EHMT1: variants seen among roughly 807,000 people sequenced by gnomAD.
EHMT1 encodes the protein euchromatic histone lysine methyltransferase 1.
Under a neutral mutation model 147.2 loss-of-function variants are expected in EHMT1, and 15 were observed. The ratio of observed to expected loss-of-function variants is 0.10; its 90% CI spans 0.07 to 0.16. The LOEUF is 0.16. Ranked by LOEUF, EHMT1 falls within the 10% of genes least tolerant of loss-of-function variation. The pLI is 1.00. For synonymous variants in EHMT1, 795 were observed against 709.6 expected (o/e 1.12, Z -1.91); for missense variants, 1,587 against 1,772.4 (o/e 0.90, Z 1.88).
At chr9:137,713,129 G>T (rs1015908865) in intron 2 of EHMT1, among the ~76,000 whole-genome samples, 3 of 151,940 alleles carry the variant, frequency 2.0e-5, no homozygotes, top group Non-Finnish European at 4.4e-5. Flanking sequence ...CTTTAGACAG[G>T]GTCTCCCTCT....
In EHMT1 at chr9:137,813,143, G is replaced by C; in HGVS notation, c.3005G>C (p.Arg1002Thr). Residue 1002 changes from arginine to threonine, a missense_variant, in exon 20 of 27, where the codon AGG becomes ACG. Arg to Thr is a moderately conservative substitution (Grantham distance 71). Around this residue, in one of 7 missense-constraint regions of EHMT1, gnomAD observed 78 missense variants for 68.9 expected, o/e 1.13. Coordinates refer to ENST00000460843, the MANE Select transcript of EHMT1 (RefSeq NM_024757.5). The surrounding 1 kb of genome is among the most constrained non-coding windows in gnomAD (Gnocchi z 4.9). The part of the protein sequence containing the change: ...SKALQDSAPD[R>T]PSPVERIVSR... Reference sequence around the variant, plus strand: ...GCTCTGCAGGACTCGGCCCCCGACAGGCCCAGCCCCGTGGAGAGGATAGTG... The same window carrying C: ...GCTCTGCAGGACTCGGCCCCCGACACGCCCAGCCCCGTGGAGAGGATAGTG... 1 of 1,611,720 alleles carries C rather than the reference G, an allele frequency of 6.2e-7. No homozygotes were observed. The highest frequency in any genetic ancestry group is 2.2e-5 in the East Asian group (1 of 44,874).
At chr9:137,685,285 A>T (rs1942331080) in intron 1 of EHMT1, 1 of 152,218 alleles carries the variant, frequency 6.6e-6, no homozygotes, top group Non-Finnish European at 1.5e-5. Flanking sequence ...AGCTCCTGGT[A>T]ACCCCTGATA....
intron 10 of EHMT1, chr9:137,764,294 A>G (rs1950067242): frequency 6.6e-6 from 1 of 152,310 alleles, no homozygotes; most frequent in Non-Finnish European, 1.5e-5. Context: ...AGCGCCTCTC[A>G]TCTGTGGCAC....
intron 1 of EHMT1, among the ~76,000 whole-genome samples, chr9:137,693,288 T>G (rs1000674386): frequency 1.3e-5 from 2 of 152,130 alleles, no homozygotes; most frequent in African/African-American, 4.8e-5. Context: ...CTAAACACTT[T>G]AATTTTATAT....
At chr9:137,785,621 T>C (rs7390131) in intron 15 of EHMT1, 75,810 of 152,186 alleles carry the variant, frequency 0.5, 22,213 homozygotes, top group East Asian at 0.87. Context: ...GAATTTAGCT[T>C]GTCACTCCTT....
chr9:137,669,543 C>T (rs908129782), intron 1 of EHMT1, among the ~76,000 whole-genome samples: 2 of 135,440 alleles, frequency 1.5e-5, no homozygotes, highest in African/African-American at 2.8e-5. Flanking sequence ...CCTCCCAAGA[C>T]GCCCCGCACA....
chr9:137,642,099 C>T (rs974981315), intron 1 of EHMT1, among the ~76,000 whole-genome samples: 4 of 152,142 alleles, frequency 2.6e-5, no homozygotes, highest in Non-Finnish European at 4.4e-5. Flanking sequence ...CTCGGCCTCC[C>T]AAAGTGCTGG....
At chr9:137,661,461 T>G (rs1179165924) in intron 1 of EHMT1, among the ~76,000 whole-genome samples, 3 of 152,100 alleles carry the variant, frequency 2.0e-5, no homozygotes, top group Non-Finnish European at 4.4e-5. Context: ...AGTATTGAAT[T>G]TTACCCCAGG....
At chr9:137,799,054 T>C (rs1377736538) in intron 17 of EHMT1, 140 bp downstream of exon 17, 2 of 464,024 alleles carry the variant, frequency 4.3e-6, no homozygotes, top group Non-Finnish European at 3.7e-6. Flanking sequence ...TCCAGCGTCC[T>C]CTTCCACACT....
At chr9:137,655,334 A>C (rs1045994230) in intron 1 of EHMT1, among the ~76,000 whole-genome samples, 4 of 152,040 alleles carry the variant, frequency 2.6e-5, no homozygotes, top group East Asian at 3.9e-4. Flanking sequence ...ATTTTCAGGC[A>C]CTACACTGGC....
intron 18 of EHMT1, among the ~76,000 whole-genome samples, chr9:137,805,259 T>G (rs56059998): frequency 6.6e-6 from 1 of 152,058 alleles, no homozygotes; most frequent in South Asian, 2.1e-4. Context: ...GTTGTCTACA[T>G]GTAAGGGTCA....
At position 137,623,909 on chromosome 9, in the gene EHMT1, C is replaced by T. The variant is rs560020887; in HGVS notation, c.21+4860C>T. ...ATAGTTCTCTGCAGCCTTGACCTCC[C>T]GGGCTGAAGTAATCTTCCTGCCTCA... On this transcript the variant is annotated intron_variant, in intron 1 of 26. Coordinates refer to ENST00000460843, the MANE Select transcript of EHMT1 (RefSeq NM_024757.5). Among the ~76,000 whole-genome samples the T allele has an allele frequency of 1.1e-4, 17 of 152,058 alleles. No homozygotes were observed. The South Asian group carries it at 1.2e-3, about 11-fold the overall frequency.
At chr9:137,652,394 T>G (rs1387357905) in intron 1 of EHMT1, among the ~76,000 whole-genome samples, 2 of 151,802 alleles carry the variant, frequency 1.3e-5, no homozygotes, top group African/African-American at 2.4e-5. Flanking sequence ...TGTCTTAGTT[T>G]TATTTTTTTT....
At chr9:137,669,128 C>T (rs1335374998) in intron 1 of EHMT1, among the ~76,000 whole-genome samples, 1 of 152,126 alleles carries the variant, frequency 6.6e-6, no homozygotes, top group African/African-American at 2.4e-5. Flanking sequence ...CTCAGGTGAT[C>T]CGCCTGCCTA....
In EHMT1 at chr9:137,834,374, C is replaced by T. The variant is rs757192910; in HGVS notation, c.3566C>T (p.Ala1189Val). 1.9e-6 allele frequency: 3 copies of T among 1,613,196 alleles called. No individual in the cohort carries two copies. Among genetic ancestry groups the T allele is most frequent in the East Asian group, 2.2e-5 (1 of 44,866 alleles). ...GACGGGGAGGTTTACTGCATCGACG[C>T]GCGGTTCTACGGGAACGTCAGCCGG... ...NKDGEVYCID[A>V]RFYGNVSRFI... The change falls in exon 26 of 27, where the codon GCG (alanine) becomes GTG (valine). Residue 1189 changes from alanine (A) to valine (V), a missense_variant. Around this residue, in one of 7 missense-constraint regions of EHMT1, gnomAD observed 156 missense variants for 252.5 expected, o/e 0.62. Coordinates refer to ENST00000460843, the MANE Select transcript of EHMT1 (RefSeq NM_024757.5).
chr9:137,660,350 C>A (rs2134069538), intron 1 of EHMT1, among the ~76,000 whole-genome samples: 1 of 152,042 alleles, frequency 6.6e-6, no homozygotes, highest in South Asian at 2.1e-4. Context: ...AAATTTTTTC[C>A]TCATCTTTCT....
chr9:137,777,420 T>A (rs1951041101), intron 12 of EHMT1: 1 of 200,304 alleles, frequency 5.0e-6, no homozygotes. Context: ...AAAGAGACCC[T>A]TTCAAAACAG....
Position 137,731,521 on chromosome 9 carries a change from A to G in EHMT1, c.823+2992A>G, listed in dbSNP as rs144177516. Among the ~76,000 whole-genome samples the G allele has an allele frequency of 1.2e-3, 182 of 152,266 alleles. 2 individuals are homozygous for G. Among genetic ancestry groups the G allele is most frequent in the African/African-American group, 4.1e-3 (169 of 41,554 alleles). The stretch of plus-strand genomic sequence containing the variant: ...GTCCCCGGGGGTGCAGAGTCCACTT[A>G]TCGGGATGGCAGAGAGAGACAAAGG... On this transcript the variant is annotated intron_variant, in intron 4 of 26. Transcript: ENST00000460843. The surrounding 1 kb of genome is among the most constrained non-coding windows in gnomAD (Gnocchi z 4.3).
At chr9:137,681,712 C>T (rs1207100412) in intron 1 of EHMT1, among the ~76,000 whole-genome samples, 4 of 152,064 alleles carry the variant, frequency 2.6e-5, no homozygotes, top group Non-Finnish European at 4.4e-5. Flanking sequence ...CCGAGGCATC[C>T]GAGTCTCCCC....
Sources: gnomAD v4.1 joint callset for allele counts (sites outside exome capture counted in the v4.1 genomes callset) on GRCh38, gnomAD v4.1.1 for gene constraint, gnomAD v4.1.1 regional missense constraint, Gnocchi (gnomAD v3.1) non-coding constraint, MANE v1.5 for transcripts, NCBI Gene and HGNC (gene_info 2026-07-23, HGNC 2026-07-21) for gene names.